EMC2: variants seen among roughly 807,000 people sequenced by gnomAD.
EMC2 encodes ER membrane protein complex subunit 2, also known as TPR repeat protein 35.
EMC2 carries 37 observed loss-of-function variants against 51.6 expected under a neutral mutation model. That is an observed-to-expected ratio of 0.72 (90% confidence interval 0.55 to 0.94). The LOEUF is 0.94. EMC2 is among the 40% of genes least tolerant of loss of function. The pLI, the probability that EMC2 is intolerant of heterozygous loss-of-function variation, is 0.00. For missense variants in EMC2, 359 were observed against 350.9 expected, an observed-to-expected ratio of 1.02 and a Z score of -0.18; for synonymous variants, 131 against 112.4, an observed-to-expected ratio of 1.17 and a Z score of -1.04.
rs1390854982 is a variant in EMC2 at position 108,489,169 on chromosome 8, A to G, written c.*2571A>G. Among the ~76,000 whole-genome samples, 1 of 152,192 alleles carries G rather than the reference A, an allele frequency of 6.6e-6. No homozygotes were observed. Among genetic ancestry groups the G allele is most frequent in the Non-Finnish European group, 1.5e-5 (1 of 68,028 alleles). On this transcript the variant is annotated 3_prime_UTR_variant, in exon 11 of 11. Transcript: ENST00000220853. The stretch of plus-strand genomic sequence containing the variant: ...AAACTCCCCAATTATTAAATGAGAA[A>G]AAATAAACTCCAGATTGTTTAAGAC...
chr8:108,481,370 G>T (rs1811041953), intron 10 of EMC2, among the ~76,000 whole-genome samples: 1 of 151,994 alleles, frequency 6.6e-6, no homozygotes, highest in Admixed American at 6.6e-5. Flanking sequence ...GTGAGACTGT[G>T]CTTCTTCAAA....
chr8:108,483,976 A>G (rs889586129), intron 10 of EMC2, among the ~76,000 whole-genome samples: 1 of 152,110 alleles, frequency 6.6e-6, no homozygotes, highest in African/African-American at 2.4e-5. Context: ...AATTAGGGAA[A>G]ATTAGGTTTC....
intron 10 of EMC2, among the ~76,000 whole-genome samples, chr8:108,482,273 G>T (rs73304689): frequency 0.068 from 10,335 of 152,086 alleles, 1,165 homozygotes; most frequent in African/African-American, 0.23. Flanking sequence ...CCTCTTTCGT[G>T]AAATGTTTTT....
Position 108,487,474 on chromosome 8 carries a change from T to C in EMC2, c.*876T>C, listed in dbSNP as rs1811163889. On this transcript the variant is annotated 3_prime_UTR_variant, in exon 11 of 11. Coordinates refer to ENST00000220853, the MANE Select transcript of EMC2 (RefSeq NM_014673.5). ...TAGTTAGAATTTTTTATTTTTCTCT[T>C]TTCATAATAAACAACCATTATGCTA... Among the ~76,000 whole-genome samples, 1 of 151,988 alleles carries C rather than the reference T, an allele frequency of 6.6e-6. No individual in the cohort carries two copies. Among genetic ancestry groups the C allele is most frequent in the Non-Finnish European group, 1.5e-5 (1 of 67,968 alleles).
intron 5 of EMC2, among the ~76,000 whole-genome samples, chr8:108,460,359 C>G (rs890988933): frequency 2.0e-5 from 3 of 152,036 alleles, no homozygotes; most frequent in African/African-American, 7.3e-5. Context: ...TTAAAACTGG[C>G]TAAAAGAGAA....
At chr8:108,456,327 CG>C (rs2130352130) in intron 5 of EMC2, among the ~76,000 whole-genome samples, 1 of 90,804 alleles carries the variant, frequency 1.1e-5, no homozygotes, top group African/African-American at 4.9e-5. Context: ...AGCAAGACTT[CG>C]TGTCAAAAAA....
chr8:108,485,550 TATATACACACACACACAC>T (rs966582213), intron 10 of EMC2, among the ~76,000 whole-genome samples: 10 of 67,222 alleles, frequency 1.5e-4, no homozygotes, highest in African/African-American at 6.8e-4. Context: ...TATGTATATA[TATATACACACACACACAC>T]ATACACACAC....
At chr8:108,464,613 G>C (rs1271107085) in intron 5 of EMC2, among the ~76,000 whole-genome samples, 2 of 152,224 alleles carry the variant, frequency 1.3e-5, no homozygotes, top group Non-Finnish European at 2.9e-5. Context: ...GCAGCCACAG[G>C]GGGCAGATAG....
chr8:108,449,253 C>CA (rs1461379220), intron 1 of EMC2, among the ~76,000 whole-genome samples: 3 of 149,804 alleles, frequency 2.0e-5, no homozygotes, highest in Admixed American at 2.0e-4. Flanking sequence ...GCTGGGACCA[C>CA]AGGCGGGTGC....
At chr8:108,445,400 A>G (rs1042159008) in intron 1 of EMC2, among the ~76,000 whole-genome samples, 9 of 152,142 alleles carry the variant, frequency 5.9e-5, no homozygotes, top group Non-Finnish European at 2.9e-5. Context: ...CCTTTGTTGA[A>G]TACCCTAAAT....
chr8:108,456,461 G>A (rs1018015915), intron 5 of EMC2, among the ~76,000 whole-genome samples: 3 of 151,158 alleles, frequency 2.0e-5, no homozygotes, highest in Admixed American at 1.3e-4. Flanking sequence ...ATGAAATACT[G>A]AATTGTTTAA....
At chr8:108,452,046 G>A (rs1819036810) in intron 3 of EMC2, among the ~76,000 whole-genome samples, 1 of 152,168 alleles carries the variant, frequency 6.6e-6, no homozygotes, top group Non-Finnish European at 1.5e-5. Flanking sequence ...GGTCACACAT[G>A]CATTAATATG....
chr8:108,470,339 A>C (rs1196187947), intron 7 of EMC2, among the ~76,000 whole-genome samples: 2 of 152,164 alleles, frequency 1.3e-5, no homozygotes, highest in African/African-American at 4.8e-5. Context: ...GTTTTGCCAA[A>C]TTGTTTATGT....
At chr8:108,472,262 A>G (rs1586189461) in intron 7 of EMC2, among the ~76,000 whole-genome samples, 1 of 151,896 alleles carries the variant, frequency 6.6e-6, no homozygotes, top group South Asian at 2.1e-4. Context: ...GTTATACCTT[A>G]TTTTTAACCT....
intron 5 of EMC2, among the ~76,000 whole-genome samples, chr8:108,462,872 A>G (rs1196030113): frequency 5.9e-5 from 9 of 151,390 alleles, no homozygotes; most frequent in Non-Finnish European, 7.4e-5. Context: ...TTAAACAGCT[A>G]TGGGATTACA....
intron 1 of EMC2, among the ~76,000 whole-genome samples, chr8:108,449,474 C>T (rs970796647): frequency 1.3e-5 from 2 of 152,068 alleles, no homozygotes; most frequent in Non-Finnish European, 2.9e-5. Context: ...GGTTTCGCCA[C>T]GTTGGCCAGG....
chr8:108,469,800 A>C, intron 5 of EMC2, 26 bp from the exon 6 acceptor site: 1 of 1,593,422 alleles, frequency 6.3e-7, no homozygotes, highest in Non-Finnish European at 8.6e-7. Context: ...ATAAGGGCCT[A>C]ATCCTTTATT....
chr8:108,459,721 A>AGTGTGTGTGTGTGT (rs1554617756), intron 5 of EMC2, among the ~76,000 whole-genome samples: 2 of 136,878 alleles, frequency 1.5e-5, no homozygotes, highest in African/African-American at 5.9e-5. Flanking sequence ...AGAGAGAGAG[A>AGTGTGTGTGTGTGT]GTGTGTGTGT....
chr8:108,459,721 A>AGAGAGAGT (rs763020311), intron 5 of EMC2, among the ~76,000 whole-genome samples: 24,103 of 136,450 alleles, frequency 0.18, 2,198 homozygotes, highest in South Asian at 0.2. Flanking sequence ...AGAGAGAGAG[A>AGAGAGAGT]GTGTGTGTGT....
Sources: gnomAD v4.1 joint callset for allele counts (sites outside exome capture counted in the v4.1 genomes callset) on GRCh38, gnomAD v4.1.1 for gene constraint, MANE v1.5 for transcripts, NCBI Gene and HGNC (gene_info 2026-07-23, HGNC 2026-07-21) for gene names.